Variants in CDH13 observed in about 807,000 individuals in gnomAD.
CDH13 encodes cadherin 13, also known as cadherin-13.
Under a neutral mutation model 63.8 loss-of-function variants are expected in CDH13, and 24 were observed. The ratio of observed to expected loss-of-function variants is 0.38; its 90% CI spans 0.27 to 0.53. CDH13 has a LOEUF of 0.53. Ranked by LOEUF, CDH13 falls within the 20% of genes least tolerant of loss-of-function variation. The pLI is 0.85. For synonymous variants in CDH13, 503 were observed against 355.3 expected (o/e 1.42, Z -4.67); for missense variants, 1,049 against 903.1 (o/e 1.16, Z -2.07).
chr16:83,369,958 C>A (rs1363476257), intron 6 of CDH13, among the ~76,000 whole-genome samples: 1 of 152,246 alleles, frequency 6.6e-6, no homozygotes, highest in Admixed American at 6.5e-5. Flanking sequence ...CCATTCCCTG[C>A]AGCTGGTCTT....
At chr16:83,602,433 C>G in intron 7 of CDH13, 21 bp from the exon 8 acceptor site, 19 of 1,613,738 alleles carry the variant, frequency 1.2e-5, no homozygotes, top group Non-Finnish European at 1.5e-5. Flanking sequence ...CATATTATTT[C>G]TTTGTGCTTG....
intron 7 of CDH13, among the ~76,000 whole-genome samples, chr16:83,519,970 C>G (rs796641426): frequency 4.6e-5 from 7 of 152,126 alleles, no homozygotes; most frequent in African/African-American, 1.4e-4. Flanking sequence ...GTAAAAACAG[C>G]AAATCATAGC....
intron 6 of CDH13, among the ~76,000 whole-genome samples, chr16:83,430,239 C>G (rs935028766): frequency 2.6e-5 from 4 of 152,196 alleles, no homozygotes; most frequent in Non-Finnish European, 5.9e-5. Context: ...CTGACATGCA[C>G]TCTCTTTTCC....
chr16:83,196,675 G>T (rs890826159), intron 4 of CDH13, among the ~76,000 whole-genome samples: 2 of 152,132 alleles, frequency 1.3e-5, no homozygotes, highest in African/African-American at 4.8e-5. Flanking sequence ...TAGCAAATAA[G>T]CTCATGAACA....
At chr16:83,524,641 A>G (rs2074916240) in intron 7 of CDH13, among the ~76,000 whole-genome samples, 1 of 151,818 alleles carries the variant, frequency 6.6e-6, no homozygotes, top group Non-Finnish European at 1.5e-5. Context: ...TTTAGTAGAG[A>G]TGGGGTTTCA....
At chr16:82,965,331 C>G (rs1907651352) in intron 2 of CDH13, among the ~76,000 whole-genome samples, 1 of 152,136 alleles carries the variant, frequency 6.6e-6, no homozygotes, top group South Asian at 2.1e-4. Context: ...ACAAGGAGCC[C>G]CTATGGAGGA....
chr16:82,723,721 G>T (rs966564140), intron 1 of CDH13, among the ~76,000 whole-genome samples: 17 of 152,120 alleles, frequency 1.1e-4, no homozygotes, highest in South Asian at 2.1e-4. Context: ...ATGTTCACTT[G>T]TTGAAATTTT....
intron 1 of CDH13, among the ~76,000 whole-genome samples, chr16:82,815,258 G>A (rs562761188): frequency 9.9e-5 from 15 of 152,182 alleles, no homozygotes; most frequent in African/African-American, 2.2e-4. Context: ...AATGAGGGCC[G>A]AGTGTGGACA....
In CDH13 at chr16:83,753,715, G is replaced by C. The variant is rs1482286561; in HGVS notation, c.1681+5465G>C. On this transcript the variant is annotated intron_variant, in intron 11 of 13. Coordinates refer to ENST00000567109, the MANE Select transcript of CDH13 (RefSeq NM_001257.5). ...AAATAAATTGATTTCTCCAAACAAA[G>C]AGTAACTCAGGAATTTATGCCAAAA... is the stretch of plus-strand genomic sequence containing the variant. Among the ~76,000 whole-genome samples, 4 of 152,186 alleles carry C rather than the reference G, an allele frequency of 2.6e-5. No individual in the cohort carries two copies. The East Asian group carries it at 5.8e-4, about 22-fold the overall frequency.
chr16:83,207,731 C>A (rs1189572566), intron 4 of CDH13, among the ~76,000 whole-genome samples: 1 of 143,342 alleles, frequency 7.0e-6, no homozygotes, highest in Non-Finnish European at 1.5e-5. Context: ...AAAACCCCTG[C>A]AAATACTTAG....
At chr16:83,080,871 G>GTTTTTTTTTTTGTTTTTTTTTTTTTTT (rs2033185148) in intron 3 of CDH13, among the ~76,000 whole-genome samples, 4 of 46,928 alleles carry the variant, frequency 8.5e-5, no homozygotes, top group Non-Finnish European at 1.4e-4. Context: ...TTGTTTTTGT[G>GTTTTTTTTTTTGTTTTTTTTTTTTTTT]TTTTTTTTTT....
At chr16:82,667,734 C>T (rs1485248502) in intron 1 of CDH13, among the ~76,000 whole-genome samples, 1 of 151,970 alleles carries the variant, frequency 6.6e-6, no homozygotes, top group Non-Finnish European at 1.5e-5. Context: ...CACTATGGAG[C>T]CGCCCCCCGC....
intron 3 of CDH13, among the ~76,000 whole-genome samples, chr16:83,101,719 G>C (rs978576234): frequency 6.6e-6 from 1 of 152,286 alleles, no homozygotes; most frequent in South Asian, 2.1e-4. Context: ...AATTGAACCT[G>C]GGAGGCAGAG....
chr16:83,671,464 G>C (rs1360969571), intron 9 of CDH13, among the ~76,000 whole-genome samples: 1 of 152,116 alleles, frequency 6.6e-6, no homozygotes, highest in Non-Finnish European at 1.5e-5. Flanking sequence ...GCCCAGGCTT[G>C]TCTCAAACTC....
chr16:83,712,922 T>C (rs1908283681), intron 10 of CDH13, among the ~76,000 whole-genome samples: 1 of 152,236 alleles, frequency 6.6e-6, no homozygotes, highest in Non-Finnish European at 1.5e-5. Context: ...AGTAAAAATG[T>C]TCCGCAAAGT....
At chr16:83,093,414 G>A (rs536011603) in intron 3 of CDH13, among the ~76,000 whole-genome samples, 27 of 138,244 alleles carry the variant, frequency 2.0e-4, no homozygotes, top group African/African-American at 6.6e-4. Flanking sequence ...CACCTCCCGG[G>A]TTCAAGCGAT....
Position 83,486,558 on chromosome 16 carries a change from A to C in CDH13, c.863A>C (p.Gln288Pro). The change falls in exon 7 of 14, where the codon CAG becomes CCG. Residue 288 changes from glutamine to proline, a missense_variant. Physicochemically the swap from Gln to Pro is moderately conservative, Grantham distance 76. Transcript: ENST00000567109. The part of the protein sequence containing the change: ...DNALLRYNIR[Q>P]QTPDKPSPNM... ...GCCCTCCTGCGGTATAATATCCGTC[A>C]GCAGACGCCTGACAAGCCATCTCCC... 1 of 1,614,008 alleles carries C rather than the reference A, an allele frequency of 6.2e-7. No individual in the cohort carries two copies. Among genetic ancestry groups the C allele is most frequent in the Non-Finnish European group, 8.5e-7 (1 of 1,179,854 alleles).
At chr16:82,709,602 T>C (rs898745908) in intron 1 of CDH13, among the ~76,000 whole-genome samples, 1 of 152,222 alleles carries the variant, frequency 6.6e-6, no homozygotes, top group Admixed American at 6.5e-5. Context: ...ATAAATGAGA[T>C]AATTCATGTC....
At chr16:82,820,142 G>A (rs1354744312) in intron 1 of CDH13, among the ~76,000 whole-genome samples, 1 of 152,084 alleles carries the variant, frequency 6.6e-6, no homozygotes, top group Non-Finnish European at 1.5e-5. Context: ...TGCAATGTGG[G>A]GAAGTGGGAA....
Sources: allele counts gnomAD v4.1 joint callset (sites outside exome capture counted in the v4.1 genomes callset), GRCh38; gene constraint gnomAD v4.1.1; transcripts MANE v1.5; gene names NCBI Gene and HGNC (gene_info 2026-07-23, HGNC 2026-07-21).